BTD: variants seen among roughly 807,000 people sequenced by gnomAD.
BTD encodes the protein biocytinase.
Under a neutral mutation model 17.7 loss-of-function variants are expected in BTD, and 13 were observed. The ratio of observed to expected loss-of-function variants is 0.74; its 90% CI spans 0.48 to 1.17. The LOEUF (loss-of-function observed/expected upper bound fraction) is 1.17, where lower values mean the gene tolerates loss of function less well. Among genes scored for constraint, BTD ranks in the 50% most tolerant of loss-of-function variants. The pLI, the probability that BTD is intolerant of heterozygous loss-of-function variation, is 0.00. For missense variants in BTD, 674 were observed against 650.4 expected (o/e 1.04, Z -0.39); for synonymous variants, 240 against 245.2 (o/e 0.98, Z 0.20).
At position 15,664,281 on chromosome 3, in the gene BTD, C is replaced by A. The variant is rs117318483; in HGVS notation, c.399+22224C>A. Among the ~76,000 whole-genome samples the A allele has an allele frequency of 2.4e-4, 37 of 152,322 alleles. 1 individual carries two copies. The East Asian group carries it at 6.5e-3, about 27-fold the overall frequency. On this transcript the variant is annotated intron_variant, in intron 3 of 3. Transcript: ENST00000672141. ...CTCATTGCAGTTCTACCGGTTTTTG[C>A]CTCACATACTTTGATACTCTGTTGT...
chr3:15,691,000 C>T (rs2068717829), intron 3 of BTD, among the ~76,000 whole-genome samples: 1 of 152,130 alleles, frequency 6.6e-6, no homozygotes, highest in Non-Finnish European at 1.5e-5. Context: ...TGTGCCATAG[C>T]TAAAAAAGAA....
chr3:15,643,892 GAA>G (rs552609192), intron 3 of BTD, among the ~76,000 whole-genome samples: 1 of 86,178 alleles, frequency 1.2e-5, no homozygotes, highest in African/African-American at 4.5e-5. Flanking sequence ...CCCTGTCTCT[GAA>G]AAAAAAAAAA....
intron 3 of BTD, among the ~76,000 whole-genome samples, chr3:15,672,146 A>G (rs191993169): frequency 1.5e-5 from 2 of 136,538 alleles, no homozygotes; most frequent in Admixed American, 1.5e-4. Flanking sequence ...TAAAAAAAGG[A>G]TTTTTTTTTT....
At chr3:15,626,790 AAAAAAG>A (rs2065076361) in intron 1 of BTD, among the ~76,000 whole-genome samples, 2 of 150,458 alleles carry the variant, frequency 1.3e-5, no homozygotes, top group Admixed American at 6.7e-5. Context: ...CAAAAAAAAA[AAAAAAG>A]AAAAGAAAAG....
At chr3:15,714,709 C>A (rs538595527), downstream of BTD, 1,751 of 1,284,718 alleles carry the variant, frequency 1.4e-3, 23 homozygotes, top group Non-Finnish European at 1.4e-4. Flanking sequence ...AATGTGTAAA[C>A]CTTAGTTTTA....
intron 3 of BTD, chr3:15,690,224 G>T (rs2068617396): frequency 6.4e-7 from 1 of 1,563,034 alleles, no homozygotes; most frequent in Non-Finnish European, 8.7e-7. Context: ...GATAGGCCTA[G>T]AAATAAATAA....
At chr3:15,661,662 T>C (rs2065926651) in intron 3 of BTD, among the ~76,000 whole-genome samples, 1 of 152,228 alleles carries the variant, frequency 6.6e-6, no homozygotes, top group South Asian at 2.1e-4. Context: ...GAAGTCTAGC[T>C]TATCATTTTT....
At position 15,679,579 on chromosome 3, in the gene BTD, G is replaced by A. The variant is rs371489917; in HGVS notation, c.400-30481G>A. The A allele has an allele frequency of 2.4e-5, 38 of 1,591,400 alleles. No individual in the cohort carries two copies. The African/African-American group carries it at 4.6e-4, about 19-fold the overall frequency. Reference sequence around the variant, plus strand: ...GTCTCGTGACCTAAATAGGTGTAAAGAACCAGGTATTAAAATTCAAAGGAG... The same window carrying A: ...GTCTCGTGACCTAAATAGGTGTAAAAAACCAGGTATTAAAATTCAAAGGAG... On this transcript the variant is annotated intron_variant, in intron 3 of 3. Transcript: ENST00000672141.
At position 15,651,441 on chromosome 3, in the gene BTD, C is replaced by T. The variant is rs944145205; in HGVS notation, c.*5953C>T. Among the ~76,000 whole-genome samples, 16 of 152,150 alleles carry T rather than the reference C, an allele frequency of 1.1e-4. No homozygotes were observed. Among genetic ancestry groups the T allele is most frequent in the Middle Eastern group, 3.2e-3 (1 of 316 alleles). Reference sequence around the variant, plus strand: ...GGATAATGCACTACCCAGCGGCCAGCGACAGCAGGAGCTATGAGCACCCCA... The same window carrying T: ...GGATAATGCACTACCCAGCGGCCAGTGACAGCAGGAGCTATGAGCACCCCA... On this transcript the variant is annotated 3_prime_UTR_variant, in exon 4 of 4. Transcript: ENST00000643237.
intron 3 of BTD, among the ~76,000 whole-genome samples, chr3:15,660,556 A>G (rs938342005): frequency 3.9e-5 from 6 of 152,262 alleles, no homozygotes; most frequent in African/African-American, 1.4e-4. Context: ...GTGTTTATAT[A>G]CAATGTGTTG....
intron 3 of BTD, chr3:15,667,338 ATTGT>A (rs1318611175): frequency 6.6e-5 from 10 of 152,248 alleles, no homozygotes; most frequent in African/African-American, 2.4e-4. Context: ...ACTAAATGGC[ATTGT>A]TTGAGATGAG....
rs1575032020 is a variant in BTD, at chr3:15,645,546, C to G, written c.*58C>G. On this transcript the variant is annotated 3_prime_UTR_variant, in exon 4 of 4. Transcript: ENST00000643237. ...CCATCATGTTGACAGCCTTGCACTT[C>G]CACAGGCTACAAGCCCTGGGACCAT... 1 of 1,576,448 alleles carries G rather than the reference C, an allele frequency of 6.3e-7. No individual in the cohort carries two copies. Among genetic ancestry groups the G allele is most frequent in the East Asian group, 2.2e-5 (1 of 44,766 alleles).
intron 1 of BTD, among the ~76,000 whole-genome samples, chr3:15,613,541 T>G (rs2064698045): frequency 6.6e-6 from 1 of 151,956 alleles, no homozygotes; most frequent in South Asian, 2.1e-4. Flanking sequence ...CCTTCTCCTC[T>G]TCTCCTCCTT....
At chr3:15,691,283 C>T (rs145562027) in intron 3 of BTD, among the ~76,000 whole-genome samples, 337 of 152,114 alleles carry the variant, frequency 2.2e-3, no homozygotes, top group African/African-American at 7.8e-3. Context: ...GCCACCATGC[C>T]CCAGCTAATT....
chr3:15,627,802 A>G (rs2065103864), intron 1 of BTD, among the ~76,000 whole-genome samples: 2 of 152,082 alleles, frequency 1.3e-5, no homozygotes, highest in African/African-American at 4.8e-5. Context: ...GCTCACTGCA[A>G]TCTCTGCCTC....
intron 1 of BTD, chr3:15,629,946 G>A (rs2065163263): frequency 1.0e-5 from 6 of 592,036 alleles, no homozygotes; most frequent in African/African-American, 4.0e-5. Context: ...ATATTCAAAC[G>A]GTTTATATTG....
chr3:15,631,520 A>C lies in BTD; in HGVS notation c.-16-3904A>C, dbSNP rs533547898. On this transcript the variant is annotated intron_variant, in intron 1 of 3. Coordinates refer to ENST00000643237, the MANE Select transcript of BTD (RefSeq NM_001370658.1). ...GGTGGGGAAAAATCCCTTGTGTGTAAAAATATCTAGTGATTGACATATTAC... is the reference window on the plus strand; with the variant it reads ...GGTGGGGAAAAATCCCTTGTGTGTACAAATATCTAGTGATTGACATATTAC... 1.1e-5 allele frequency: 17 copies of C among 1,501,472 alleles called. No homozygotes were observed. In the Admixed American group the frequency reaches 3.3e-4, roughly 30 times the overall value. 93.0% of individuals were successfully genotyped at this position (1,501,472 alleles called of 1,614,324 possible).
chr3:15,661,533 T>G (rs2065924556), intron 3 of BTD, among the ~76,000 whole-genome samples: 1 of 152,196 alleles, frequency 6.6e-6, no homozygotes, highest in Non-Finnish European at 1.5e-5. Context: ...TAAGGGTTCT[T>G]TGTATATTTT....
chr3:15,699,406 C>A (rs1258888633), intron 3 of BTD, among the ~76,000 whole-genome samples: 1 of 152,118 alleles, frequency 6.6e-6, no homozygotes, highest in Non-Finnish European at 1.5e-5. Flanking sequence ...TCTAATTAAA[C>A]TAAAGAGCTT....
Sources: allele counts gnomAD v4.1 joint callset (sites outside exome capture counted in the v4.1 genomes callset), GRCh38; gene constraint gnomAD v4.1.1; transcripts MANE v1.5; gene names NCBI Gene and HGNC (gene_info 2026-07-23, HGNC 2026-07-21).